The following TMEM132D variants were observed in gnomAD, a reference collection of about 807,000 sequenced individuals.
The protein encoded by TMEM132D is transmembrane protein 132D.
A neutral mutation model predicts 62.3 loss-of-function variants in TMEM132D; 21 were observed. The ratio of observed to expected loss-of-function variants is 0.34; its 90% confidence interval spans 0.24 to 0.49. The LOEUF (loss-of-function observed/expected upper bound fraction) is 0.49, where lower values mean the gene tolerates loss of function less well. Ranked by LOEUF, TMEM132D falls within the 20% of genes least tolerant of loss-of-function variation. TMEM132D has a pLI of 0.99. For missense variants in TMEM132D, 1,346 were observed against 1,402.8 expected, an observed-to-expected ratio of 0.96 and a Z score of 0.65; for synonymous variants, 621 against 575.6, an observed-to-expected ratio of 1.08 and a Z score of -1.13.
At chr12:129,127,880 C>T (rs1876262990) in intron 5 of TMEM132D, among the ~76,000 whole-genome samples, 1 of 152,220 alleles carries the variant, frequency 6.6e-6, no homozygotes, top group Admixed American at 6.5e-5. Flanking sequence ...GGCCTGCAGA[C>T]GAGGCCGGCA....
At chr12:129,714,583 T>A (rs560125015) in intron 1 of TMEM132D, among the ~76,000 whole-genome samples, 2 of 152,282 alleles carry the variant, frequency 1.3e-5, no homozygotes, top group South Asian at 4.1e-4. Context: ...CTAACATGTA[T>A]CATATACTTG....
intron 5 of TMEM132D, among the ~76,000 whole-genome samples, chr12:129,165,501 T>C (rs1877517251): frequency 6.6e-6 from 1 of 152,070 alleles, no homozygotes; most frequent in Admixed American, 6.6e-5. Flanking sequence ...GATGAATAGA[T>C]AGGTGTGTGA....
chr12:129,112,708 C>T (rs1443406477), intron 5 of TMEM132D, among the ~76,000 whole-genome samples: 2 of 152,216 alleles, frequency 1.3e-5, no homozygotes, highest in Non-Finnish European at 2.9e-5. Context: ...TCCTCTGTTG[C>T]ACCAGCTACA....
chr12:129,820,562 T>C (rs1872517737), intron 1 of TMEM132D, among the ~76,000 whole-genome samples: 1 of 152,204 alleles, frequency 6.6e-6, no homozygotes, highest in Non-Finnish European at 1.5e-5. Context: ...GAAACTCATT[T>C]AATTCAAAAT....
intron 3 of TMEM132D, among the ~76,000 whole-genome samples, chr12:129,469,744 T>C (rs1304623603): frequency 6.6e-6 from 1 of 152,216 alleles, no homozygotes; most frequent in Non-Finnish European, 1.5e-5. Context: ...GACTTTAGCT[T>C]CTGTCCTTTA....
intron 4 of TMEM132D, among the ~76,000 whole-genome samples, chr12:129,265,576 G>T (rs1880665921): frequency 6.6e-6 from 1 of 152,054 alleles, no homozygotes; most frequent in Non-Finnish European, 1.5e-5. Flanking sequence ...GCGCACGGAG[G>T]GTCCTGCCGT....
chr12:129,590,583 GA>G (rs1878160668), intron 2 of TMEM132D, among the ~76,000 whole-genome samples: 1 of 152,228 alleles, frequency 6.6e-6, no homozygotes, highest in Admixed American at 6.5e-5. Flanking sequence ...CTGTGTAAAT[GA>G]AGGGTGAGAA....
chr12:129,563,568 G>C (rs1353346650), intron 2 of TMEM132D, among the ~76,000 whole-genome samples: 1 of 152,108 alleles, frequency 6.6e-6, no homozygotes, highest in Non-Finnish European at 1.5e-5. Context: ...GTCTGTTTCT[G>C]GTAGATATTT....
intron 2 of TMEM132D, among the ~76,000 whole-genome samples, chr12:129,584,598 G>A (rs574166296): frequency 1.1e-3 from 171 of 152,274 alleles, no homozygotes; most frequent in Non-Finnish European, 2.0e-3. Flanking sequence ...TTGCTTTATC[G>A]CACCTCTGCC....
chr12:129,770,351 C>A (rs1157077568), intron 1 of TMEM132D, among the ~76,000 whole-genome samples: 1 of 151,954 alleles, frequency 6.6e-6, no homozygotes, highest in African/African-American at 2.4e-5. Context: ...ACCGTGTTGG[C>A]CAGGCTGATC....
At chr12:129,865,533 A>C (rs979358887) in intron 1 of TMEM132D, among the ~76,000 whole-genome samples, 1 of 152,192 alleles carries the variant, frequency 6.6e-6, no homozygotes, top group African/African-American at 2.4e-5. Context: ...TCCAAGAGAC[A>C]GGAGTGATTA....
chr12:129,228,568 C>T (rs1879546645), intron 4 of TMEM132D, among the ~76,000 whole-genome samples: 1 of 152,152 alleles, frequency 6.6e-6, no homozygotes, highest in Admixed American at 6.5e-5. Flanking sequence ...TTCTGTCTGC[C>T]TGAATTTTCC....
At chr12:129,842,410 G>A (rs993351055) in intron 1 of TMEM132D, among the ~76,000 whole-genome samples, 5 of 151,954 alleles carry the variant, frequency 3.3e-5, no homozygotes, top group East Asian at 1.9e-4. Flanking sequence ...TTCTCTTTCC[G>A]ATGTCTTGCC....
intron 4 of TMEM132D, among the ~76,000 whole-genome samples, chr12:129,289,566 A>AAAAAAAAAAAAAG (rs1566023043): frequency 1.4e-5 from 2 of 144,730 alleles, no homozygotes; most frequent in African/African-American, 2.6e-5. Context: ...AAAAAAAAAG[A>AAAAAAAAAAAAAG]AAAAAAAGAA....
chr12:129,569,371 A>G (rs1341128626), intron 2 of TMEM132D, among the ~76,000 whole-genome samples: 1 of 152,190 alleles, frequency 6.6e-6, no homozygotes, highest in Non-Finnish European at 1.5e-5. Flanking sequence ...AAAATGGACA[A>G]GAGTTTTCAG....
At chr12:129,768,726 C>T (rs974605204) in intron 1 of TMEM132D, among the ~76,000 whole-genome samples, 5 of 152,072 alleles carry the variant, frequency 3.3e-5, no homozygotes, top group Non-Finnish European at 5.9e-5. Context: ...GCAGCTCTGC[C>T]GATGCTGGCA....
At chr12:129,295,371 C>T (rs1303488104) in intron 4 of TMEM132D, among the ~76,000 whole-genome samples, 1 of 151,938 alleles carries the variant, frequency 6.6e-6, no homozygotes. Context: ...GGGAACACTG[C>T]CAGCTAGACT....
chr12:129,730,036 C>G (rs889256854), intron 1 of TMEM132D, among the ~76,000 whole-genome samples: 2 of 152,214 alleles, frequency 1.3e-5, no homozygotes, highest in Non-Finnish European at 2.9e-5. Flanking sequence ...GCCCACCACA[C>G]TTTGCTGACT....
intron 1 of TMEM132D, among the ~76,000 whole-genome samples, chr12:129,731,435 T>C (rs957602250): frequency 5.3e-5 from 8 of 152,150 alleles, no homozygotes; most frequent in South Asian, 4.1e-4. Context: ...TTTTCTCCAA[T>C]GTCGCTAGCA....
Sources: allele counts gnomAD v4.1 joint callset (sites outside exome capture counted in the v4.1 genomes callset), GRCh38; gene constraint gnomAD v4.1.1; transcripts MANE v1.5; gene names NCBI Gene and HGNC (gene_info 2026-07-23, HGNC 2026-07-21).